The following FABP6 variants were observed in gnomAD, a reference collection of about 807,000 sequenced individuals.
FABP6 encodes the protein fatty acid binding protein 6, also known as gastrotropin.
FABP6 carries 13 observed loss-of-function variants against 14.9 expected under a neutral mutation model. That is an observed-to-expected ratio of 0.87 (90% CI 0.57 to 1.39). The LOEUF is 1.39. Among genes scored for constraint, FABP6 ranks in the 40% most tolerant of loss-of-function variants. The pLI is 0.00. For synonymous variants in FABP6, 75 were observed against 63.6 expected (o/e 1.18, Z -0.85); for missense variants, 161 against 167.2 (o/e 0.96, Z 0.20).
intron 1 of FABP6, 95 bp from the exon 2 acceptor site, chr5:160,232,003 G>T: frequency 7.1e-7 from 1 of 1,409,264 alleles, no homozygotes; most frequent in Non-Finnish European, 9.7e-7. Context: ...TGCACAAGGG[G>T]GTAGGGCGGT....
intron 2 of FABP6, among the ~76,000 whole-genome samples, chr5:160,209,387 GT>G (rs1327359649): frequency 6.6e-6 from 1 of 152,086 alleles, no homozygotes; most frequent in African/African-American, 2.4e-5. Context: ...GTCGGGTGTG[GT>G]GGCCCACACC....
At chr5:160,214,306 G>A (rs58222395) in intron 3 of FABP6, among the ~76,000 whole-genome samples, 10,699 of 151,826 alleles carry the variant, frequency 0.07, 616 homozygotes, top group East Asian at 0.36. Flanking sequence ...TGGGATTACA[G>A]GCACGTGCCA....
chr5:160,189,424 G>T (rs1442021593), intron 1 of FABP6, among the ~76,000 whole-genome samples: 1 of 152,046 alleles, frequency 6.6e-6, no homozygotes, highest in Non-Finnish European at 1.5e-5. Context: ...TGTATTTTTA[G>T]TAGAGATGGG....
intron 3 of FABP6, among the ~76,000 whole-genome samples, chr5:160,221,900 G>C: frequency 6.6e-6 from 1 of 152,206 alleles, no homozygotes; most frequent in East Asian, 1.9e-4. Context: ...TTTATCTACT[G>C]AATTTAACAG....
intron 1 of FABP6, among the ~76,000 whole-genome samples, chr5:160,195,142 G>A (rs1041065318): frequency 5.3e-5 from 8 of 151,988 alleles, no homozygotes; most frequent in South Asian, 4.1e-4. Flanking sequence ...AACATTAGCC[G>A]GGCATGGTGG....
chr5:160,196,952 C>A (rs1759522837), intron 1 of FABP6: 1 of 152,252 alleles, frequency 6.6e-6, no homozygotes, highest in Non-Finnish European at 1.5e-5. Flanking sequence ...ATCCCGCTTT[C>A]CTACTCCAGA....
rs774207600 is a variant in FABP6, at chr5:160,232,271, A to T, written c.241A>T (p.Lys81Ter). Residue 81 changes from lysine (K) to a stop codon, truncating the protein, a stop_gained and splice_region_variant, in exon 2 of 4, where the codon AAG becomes TAG. Coordinates refer to ENST00000402432, the MANE Select transcript of FABP6 (RefSeq NM_001445.3). LOFTEE classifies it high-confidence loss of function. ...ACAGACAATGGGGGGCAAGACGTTC[A>T]AGGTGAGAGGCCACTGGCTGTCCCC... ...NIQTMGGKTF[K>*]ATVQMEGGKL... is the part of the protein sequence containing the mutation. 1 of 1,601,884 alleles carries T rather than the reference A, an allele frequency of 6.2e-7. No individual in the cohort carries two copies. The highest frequency in any genetic ancestry group is 1.7e-5 in the Admixed American group (1 of 58,610).
chr5:160,218,720 C>T (rs1185702423), intron 3 of FABP6, among the ~76,000 whole-genome samples: 1 of 150,034 alleles, frequency 6.7e-6, no homozygotes, highest in Admixed American at 6.6e-5. Flanking sequence ...CTCAGCCTCC[C>T]AAAGTGTTGG....
chr5:160,233,395 T>C (rs1277322243), intron 2 of FABP6, among the ~76,000 whole-genome samples: 1 of 152,130 alleles, frequency 6.6e-6, no homozygotes, highest in Admixed American at 6.6e-5. Flanking sequence ...TTGTAGGGCC[T>C]TGGGCAAGTC....
chr5:160,187,677 T>C (rs983488590), intron 1 of FABP6, among the ~76,000 whole-genome samples: 1 of 152,124 alleles, frequency 6.6e-6, no homozygotes, highest in African/African-American at 2.4e-5. Context: ...CTGAAGGGTC[T>C]ACCCATTCCA....
chr5:160,230,486 A>G (rs7721238), intron 1 of FABP6, among the ~76,000 whole-genome samples: 100,357 of 151,936 alleles, frequency 0.66, 33,287 homozygotes, highest in African/African-American at 0.69. Context: ...TCAGCCTCTC[A>G]AGTAGCTGGA....
intron 2 of FABP6, among the ~76,000 whole-genome samples, chr5:160,202,127 G>T (rs1314513003): frequency 3.0e-5 from 2 of 66,794 alleles, no homozygotes. Flanking sequence ...TGGAAGCAGG[G>T]ATTTAGGCAG....
At chr5:160,212,203 G>A (rs1284283738) in intron 2 of FABP6, among the ~76,000 whole-genome samples, 1 of 151,992 alleles carries the variant, frequency 6.6e-6, no homozygotes, top group Non-Finnish European at 1.5e-5. Flanking sequence ...TGCCCAGGCT[G>A]GAGTGCAGTG....
At chr5:160,194,027 C>T (rs539226892) in intron 1 of FABP6, among the ~76,000 whole-genome samples, 18 of 152,358 alleles carry the variant, frequency 1.2e-4, no homozygotes, top group African/African-American at 4.3e-4. Flanking sequence ...GCTGCAGGTC[C>T]CGAGCCCTGC....
At chr5:160,206,535 TAGA>T (rs1759771083) in intron 2 of FABP6, among the ~76,000 whole-genome samples, 1 of 152,180 alleles carries the variant, frequency 6.6e-6, no homozygotes, top group South Asian at 2.1e-4. Flanking sequence ...GGTACACAGA[TAGA>T]AGGACACATA....
chr5:160,205,161 A>G (rs540275321), intron 2 of FABP6, among the ~76,000 whole-genome samples: 1 of 152,096 alleles, frequency 6.6e-6, no homozygotes, highest in Non-Finnish European at 1.5e-5. Context: ...TCCATCTGGC[A>G]TGGGACCCAA....
intron 2 of FABP6, among the ~76,000 whole-genome samples, chr5:160,232,927 A>T (rs1193673699): frequency 6.6e-6 from 1 of 151,430 alleles, no homozygotes; most frequent in Admixed American, 6.6e-5. Flanking sequence ...AAATAAAAAA[A>T]ACCTTGCCTT....
intron 1 of FABP6, 101 bp from the exon 2 acceptor site, chr5:160,231,997 C>T: frequency 7.3e-7 from 1 of 1,371,924 alleles, no homozygotes; most frequent in Non-Finnish European, 1.0e-6. Context: ...CTATCATGCA[C>T]AAGGGGGTAG....
At position 160,192,421 on chromosome 5, in the gene FABP6, G is replaced by A. The variant is rs903744721; in HGVS notation, c.-59+4967G>A. Among the ~76,000 whole-genome samples the A allele has an allele frequency of 3.9e-5, 6 of 152,368 alleles. No homozygotes were observed. In the East Asian group the frequency reaches 7.7e-4, roughly 20 times the overall value. On this transcript the variant is annotated intron_variant, in intron 1 of 6. Transcript: ENST00000393980. ...ACACACTGCATCTTCCCCAGGGCAA[G>A]GTTAGCTCCATTCCTGCAGAAACCT...
Sources: gnomAD v4.1 joint callset for allele counts (sites outside exome capture counted in the v4.1 genomes callset) on GRCh38, gnomAD v4.1.1 for gene constraint, MANE v1.5 for transcripts, NCBI Gene and HGNC (gene_info 2026-07-23, HGNC 2026-07-21) for gene names.